The following RGS6 variants were observed in gnomAD, a reference collection of about 807,000 sequenced individuals.
RGS6 encodes the protein regulator of G protein signaling 6, also known as regulator of G-protein signaling 6.
RGS6 carries 30 observed loss-of-function variants against 78.5 expected under a neutral mutation model. The observed-to-expected ratio is 0.38, with a 90% CI of 0.29 to 0.52. RGS6 has a LOEUF of 0.52. Among genes scored for constraint, RGS6 ranks in the 20% least tolerant of loss-of-function variants. RGS6 has a pLI of 0.85. For synonymous variants in RGS6, 206 were observed against 206.0 expected (o/e 1.00, Z 0.00); for missense variants, 495 against 609.7 (o/e 0.81, Z 1.98).
intron 2 of RGS6, among the ~76,000 whole-genome samples, chr14:72,259,424 G>C (rs1390664536): frequency 2.6e-5 from 4 of 151,992 alleles, no homozygotes; most frequent in African/African-American, 9.7e-5. Flanking sequence ...ATCTGATTTA[G>C]TGACTCCTAT....
chr14:72,050,243 A>G (rs1465630975), intron 2 of RGS6, among the ~76,000 whole-genome samples: 1 of 152,240 alleles, frequency 6.6e-6, no homozygotes, highest in African/African-American at 2.4e-5. Flanking sequence ...AACGGACTAT[A>G]TCTCCTTTAA....
At chr14:72,399,586 G>A (rs555471937) in intron 3 of RGS6, among the ~76,000 whole-genome samples, 1 of 152,242 alleles carries the variant, frequency 6.6e-6, no homozygotes, top group South Asian at 2.1e-4. Flanking sequence ...ATGTTAGCTG[G>A]TTATTTTGCT....
chr14:72,333,697 G>C (rs974092909), intron 2 of RGS6, among the ~76,000 whole-genome samples: 3 of 152,194 alleles, frequency 2.0e-5, no homozygotes, highest in African/African-American at 7.2e-5. Flanking sequence ...CCCATACTGT[G>C]TGCTAGAGAA....
chr14:72,085,245 G>A (rs557493789), intron 2 of RGS6, among the ~76,000 whole-genome samples: 43 of 152,224 alleles, frequency 2.8e-4, no homozygotes, highest in African/African-American at 6.7e-4. Context: ...AGCAGAAGGC[G>A]GTCAATAAAT....
chr14:72,315,820 C>T (rs777399785), intron 2 of RGS6, among the ~76,000 whole-genome samples: 7 of 152,222 alleles, frequency 4.6e-5, no homozygotes, highest in South Asian at 4.1e-4. Context: ...GAAGACCTTT[C>T]ACCACTTATT....
At chr14:72,035,515 T>C (rs1434548937) in intron 2 of RGS6, among the ~76,000 whole-genome samples, 1 of 152,180 alleles carries the variant, frequency 6.6e-6, no homozygotes, top group Non-Finnish European at 1.5e-5. Context: ...CTCGCAACTT[T>C]GGGTTTAGTT....
At chr14:72,014,731 G>A (rs940862404) in intron 2 of RGS6, among the ~76,000 whole-genome samples, 3 of 152,164 alleles carry the variant, frequency 2.0e-5, no homozygotes, top group African/African-American at 7.2e-5. Context: ...AGATGTTAAC[G>A]TGCTGTGTTT....
chr14:72,327,896 A>T (rs2074159242), intron 2 of RGS6, among the ~76,000 whole-genome samples: 1 of 151,862 alleles, frequency 6.6e-6, no homozygotes, highest in Non-Finnish European at 1.5e-5. Context: ...TATATATAAC[A>T]ATAGGATATA....
At chr14:72,312,828 C>G (rs1316193561) in intron 2 of RGS6, among the ~76,000 whole-genome samples, 1 of 152,140 alleles carries the variant, frequency 6.6e-6, no homozygotes, top group East Asian at 1.9e-4. Context: ...ACCATCAAAT[C>G]CCTTCCATAA....
intron 2 of RGS6, among the ~76,000 whole-genome samples, chr14:72,214,078 GTT>G (rs759833412): frequency 9.5e-3 from 41 of 4,322 alleles, no homozygotes; most frequent in Non-Finnish European, 0.014. Flanking sequence ...AGCTACTTTT[GTT>G]TTATGCATTT....
intron 2 of RGS6, among the ~76,000 whole-genome samples, chr14:72,288,548 A>T (rs1445053630): frequency 6.6e-6 from 1 of 152,212 alleles, no homozygotes. Flanking sequence ...TTAAAGAGGA[A>T]AGATGATAGC....
intron 17 of RGS6, chr14:72,547,377 C>G (rs975695628): frequency 3.6e-6 from 5 of 1,390,052 alleles, no homozygotes; most frequent in Non-Finnish European, 3.8e-6. Context: ...AGTAAGACCC[C>G]CCCCCGACCC....
intron 15 of RGS6, among the ~76,000 whole-genome samples, chr14:72,521,130 C>A (rs1355715481): frequency 6.6e-6 from 1 of 152,148 alleles, no homozygotes; most frequent in African/African-American, 2.4e-5. Context: ...ACTTTTAATT[C>A]AAATTCTGAC....
chr14:72,482,046 G>A (rs544537626), intron 12 of RGS6, among the ~76,000 whole-genome samples: 159 of 152,128 alleles, frequency 1.0e-3, no homozygotes, highest in African/African-American at 3.5e-3. Context: ...TCCTGACGTC[G>A]TGATCCGCCC....
chr14:72,283,896 T>C (rs1365719024), intron 2 of RGS6, among the ~76,000 whole-genome samples: 2 of 152,182 alleles, frequency 1.3e-5, no homozygotes, highest in Non-Finnish European at 2.9e-5. Context: ...AAAATGCTGA[T>C]AGTGATATGA....
intron 3 of RGS6, among the ~76,000 whole-genome samples, chr14:72,381,543 T>C (rs1287773288): frequency 6.6e-6 from 1 of 152,126 alleles, no homozygotes; most frequent in African/African-American, 2.4e-5. Context: ...TAGAAGACCA[T>C]CTTTCATGTG....
chr14:72,413,906 T>G (rs2093614511), intron 3 of RGS6, among the ~76,000 whole-genome samples: 1 of 152,266 alleles, frequency 6.6e-6, no homozygotes, highest in African/African-American at 2.4e-5. Flanking sequence ...CCCCACTCTC[T>G]TCTGGCTTGT....
At chr14:72,530,930 C>T (rs933307159) in intron 15 of RGS6, among the ~76,000 whole-genome samples, 2 of 152,188 alleles carry the variant, frequency 1.3e-5, no homozygotes, top group African/African-American at 4.8e-5. Flanking sequence ...ACCGGCATTT[C>T]AGTGAACATG....
At chr14:71,884,821 GC>G in the RGS6 span, among the ~76,000 whole-genome samples, 1 of 152,098 alleles carries the variant, frequency 6.6e-6, no homozygotes, top group African/African-American at 2.4e-5. Context: ...TTTCCCTGGG[GC>G]CAGAACTAGG....
Sources: gnomAD v4.1 joint callset for allele counts (sites outside exome capture counted in the v4.1 genomes callset) on GRCh38, gnomAD v4.1.1 for gene constraint, MANE v1.5 for transcripts, NCBI Gene and HGNC (gene_info 2026-07-23, HGNC 2026-07-21) for gene names.